NFKB1: variants seen among roughly 807,000 people sequenced by gnomAD.
The protein encoded by NFKB1 is nuclear factor NF-kappa-B p105 subunit.
A neutral mutation model predicts 105.1 loss-of-function variants in NFKB1; 9 were observed. The observed-to-expected ratio is 0.09, with a 90% CI of 0.05 to 0.15. The LOEUF (loss-of-function observed/expected upper bound fraction) is 0.15, where lower values mean the gene tolerates loss of function less well. Among genes scored for constraint, NFKB1 ranks in the 10% least tolerant of loss-of-function variants. NFKB1 has a pLI of 1.00. For missense variants in NFKB1, 830 were observed against 1,203.7 expected, an observed-to-expected ratio of 0.69 and a Z score of 4.59; for synonymous variants, 440 against 442.2, an observed-to-expected ratio of 1.00 and a Z score of 0.06.
At chr4:102,556,810 C>A (rs931686604) in intron 5 of NFKB1, among the ~76,000 whole-genome samples, 2 of 152,110 alleles carry the variant, frequency 1.3e-5, no homozygotes, top group Non-Finnish European at 2.9e-5. Context: ...ATGAAAGAAT[C>A]GTTCAGTATT....
intron 11 of NFKB1, among the ~76,000 whole-genome samples, chr4:102,591,568 G>C (rs1726180626): frequency 6.6e-6 from 1 of 151,976 alleles, no homozygotes; most frequent in South Asian, 2.1e-4. Context: ...TCTGTAAATG[G>C]AACAAGAAAA....
chr4:102,532,625 C>T (rs1396865224), intron 3 of NFKB1, among the ~76,000 whole-genome samples: 1 of 151,018 alleles, frequency 6.6e-6, no homozygotes, highest in Non-Finnish European at 1.5e-5. Context: ...GAGACTCTGT[C>T]TCAAAAAAAA....
At chr4:102,569,942 TA>T (rs1230925725) in intron 6 of NFKB1, among the ~76,000 whole-genome samples, 1 of 152,170 alleles carries the variant, frequency 6.6e-6, no homozygotes, top group Non-Finnish European at 1.5e-5. Context: ...CCTTTCTTGG[TA>T]AAAAATAATA....
At chr4:102,563,103 C>G (rs543170505) in intron 5 of NFKB1, among the ~76,000 whole-genome samples, 2 of 152,072 alleles carry the variant, frequency 1.3e-5, no homozygotes, top group African/African-American at 4.8e-5. Flanking sequence ...GTACTTTACC[C>G]CAACGTGACA....
intron 16 of NFKB1, among the ~76,000 whole-genome samples, chr4:102,605,726 G>T (rs1183249266): frequency 6.6e-6 from 1 of 152,138 alleles, no homozygotes; most frequent in Non-Finnish European, 1.5e-5. Flanking sequence ...ATTCAGCTGA[G>T]CCCCCTTGGT....
chr4:102,600,765 C>G (rs150479366), intron 15 of NFKB1, 130 bp from the exon 16 acceptor site: 3 of 674,532 alleles, frequency 4.4e-6, no homozygotes, highest in African/African-American at 3.7e-5. Context: ...TTTATAGATT[C>G]AAAACATTTT....
intron 15 of NFKB1, among the ~76,000 whole-genome samples, chr4:102,598,665 A>G (rs1726856830): frequency 6.6e-6 from 1 of 152,200 alleles, no homozygotes; most frequent in Admixed American, 6.5e-5. Flanking sequence ...GGGTTAAATA[A>G]TCCAGTTAGC....
intron 5 of NFKB1, among the ~76,000 whole-genome samples, chr4:102,556,812 T>C (rs1372481132): frequency 1.3e-5 from 2 of 152,188 alleles, no homozygotes; most frequent in East Asian, 3.8e-4. Flanking sequence ...GAAAGAATCG[T>C]TCAGTATTTC....
intron 1 of NFKB1, among the ~76,000 whole-genome samples, chr4:102,513,309 A>G (rs1401891982): frequency 6.6e-6 from 1 of 152,258 alleles, no homozygotes; most frequent in Non-Finnish European, 1.5e-5. Context: ...TATCTAACTT[A>G]TTATAATCCT....
chr4:102,567,382 G>A (rs1299892419), intron 6 of NFKB1, among the ~76,000 whole-genome samples: 1 of 152,148 alleles, frequency 6.6e-6, no homozygotes, highest in East Asian at 1.9e-4. Flanking sequence ...TACTCTTAAA[G>A]GTGGCCCAAT....
rs143321352 is a variant in NFKB1 at position 102,518,803 on chromosome 4, G to A, written c.-7-6709G>A. Among the ~76,000 whole-genome samples the A allele has an allele frequency of 3.3e-5, 5 of 152,272 alleles. No individual in the cohort carries two copies. In the East Asian group the frequency reaches 9.6e-4, roughly 29 times the overall value. ...ACTCAGCTGGTGCTAGGGAGCCTCA[G>A]CTAGGACTGCCTGTCTGTGCTCCAC... On this transcript the variant is annotated intron_variant, in intron 1 of 23. Coordinates refer to ENST00000226574, the MANE Select transcript of NFKB1 (RefSeq NM_003998.4).
In NFKB1 at chr4:102,612,070, A is replaced by T; in HGVS notation, c.2379A>T (p.Pro793=). 6.2e-7 allele frequency: 1 copy of T among 1,614,138 alleles called. No individual in the cohort carries two copies. The highest frequency in any genetic ancestry group is 1.7e-5 in the Admixed American group (1 of 60,030). Residue 793 remains proline, a synonymous_variant, in exon 21 of 24, where the codon CCA becomes CCT. Transcript: ENST00000226574. ...TATTTGACATATTAAATGGGAAACC[A>T]TATGAGCCAGAGTTTACATCTGATG... is the stretch of plus-strand genomic sequence containing the variant. ...WQVFDILNGK[P]YEPEFTSDDL...
chr4:102,502,793 A>G lies in NFKB1; in HGVS notation c.-8+1005A>G, dbSNP rs1471474811. ...CAGCATTACAGTTTATGAAATAACC[A>G]TATTTAACTCAAAGATTTTTTTATA... On this transcript the variant is annotated intron_variant, in intron 1 of 23. Coordinates refer to ENST00000226574, the MANE Select transcript of NFKB1 (RefSeq NM_003998.4). Among the ~76,000 whole-genome samples, 3 of 152,246 alleles carry G rather than the reference A, an allele frequency of 2.0e-5. No individual in the cohort carries two copies. In the East Asian group the frequency reaches 5.8e-4, roughly 29 times the overall value.
At chr4:102,532,638 A>T (rs1046957675) in intron 3 of NFKB1, among the ~76,000 whole-genome samples, 10 of 152,128 alleles carry the variant, frequency 6.6e-5, no homozygotes, top group African/African-American at 1.9e-4. Context: ...AAAAAAAAAT[A>T]AAAAAAATTT....
chr4:102,538,341 A>G (rs1483324689), intron 5 of NFKB1, among the ~76,000 whole-genome samples: 1 of 152,232 alleles, frequency 6.6e-6, no homozygotes, highest in Non-Finnish European at 1.5e-5. Flanking sequence ...ATAGTATATT[A>G]TTTAAGATTA....
intron 6 of NFKB1, among the ~76,000 whole-genome samples, chr4:102,575,688 A>T (rs1250607768): frequency 5.9e-5 from 9 of 152,118 alleles, no homozygotes; most frequent in Non-Finnish European, 8.8e-5. Flanking sequence ...GTTTTTGCTC[A>T]GTTGTCATCT....
At position 102,547,617 on chromosome 4, in the gene NFKB1, A is replaced by C. The variant is rs138540461; in HGVS notation, c.258+9661A>C. On this transcript the variant is annotated intron_variant, in intron 5 of 23. Transcript: ENST00000226574. The stretch of plus-strand genomic sequence containing the variant: ...GATATATGTGTAAATCAAGTTATTC[A>C]GTACATGCCACACAGTAAGCACTTA... Among the ~76,000 whole-genome samples, 357 of 152,346 alleles carry C rather than the reference A, an allele frequency of 2.3e-3. 1 individual carries two copies. Among genetic ancestry groups the C allele is most frequent in the African/African-American group, 8.4e-3 (350 of 41,582 alleles).
intron 22 of NFKB1, 35 bp from the exon 23 acceptor site, chr4:102,613,390 C>T: frequency 6.2e-7 from 1 of 1,606,704 alleles, no homozygotes; most frequent in Non-Finnish European, 8.5e-7. Context: ...GACTCGAACA[C>T]AAGAACATGC....
At chr4:102,595,421 C>A (rs1269454087) in intron 13 of NFKB1, among the ~76,000 whole-genome samples, 5 of 152,278 alleles carry the variant, frequency 3.3e-5, no homozygotes, top group South Asian at 2.1e-4. Flanking sequence ...ATTACAGGTC[C>A]ATTCTAGTGT....
Sources: allele counts gnomAD v4.1 joint callset (sites outside exome capture counted in the v4.1 genomes callset), GRCh38; gene constraint gnomAD v4.1.1; transcripts MANE v1.5; gene names NCBI Gene and HGNC (gene_info 2026-07-23, HGNC 2026-07-21).